AGBL4: variants seen among roughly 807,000 people sequenced by gnomAD.
The protein encoded by AGBL4 is cytosolic carboxypeptidase 6.
In AGBL4, 58 loss-of-function variants were observed where a neutral mutation model predicts 66.4. That is an observed-to-expected ratio of 0.87 (90% CI 0.71 to 1.09). The LOEUF (loss-of-function observed/expected upper bound fraction) is 1.09. Ranked by LOEUF, AGBL4 falls within the 50% of genes least tolerant of loss-of-function variation. The pLI, the probability that AGBL4 is intolerant of heterozygous loss-of-function variation, is 0.00. For missense variants in AGBL4, 579 were observed against 631.0 expected (o/e 0.92, Z 0.88); for synonymous variants, 234 against 222.9 (o/e 1.05, Z -0.44).
At chr1:48,657,099 C>A (rs1445271908) in intron 7 of AGBL4, among the ~76,000 whole-genome samples, 3 of 152,144 alleles carry the variant, frequency 2.0e-5, no homozygotes, top group African/African-American at 4.8e-5. Flanking sequence ...AAAGCGCAGA[C>A]CCTGAAACTG....
At chr1:49,890,414 C>T (rs1373354493) in intron 1 of AGBL4, among the ~76,000 whole-genome samples, 1 of 152,064 alleles carries the variant, frequency 6.6e-6, no homozygotes, top group Non-Finnish European at 1.5e-5. Context: ...TTACTGTGTG[C>T]CACTTATTTG....
intron 2 of AGBL4, among the ~76,000 whole-genome samples, chr1:49,808,516 T>C (rs1249055503): frequency 5.9e-5 from 9 of 152,156 alleles, no homozygotes; most frequent in Non-Finnish European, 1.3e-4. Context: ...CCCTCAAGTT[T>C]TTCTCAATTA....
chr1:49,136,065 T>C (rs1006310726), intron 4 of AGBL4, among the ~76,000 whole-genome samples: 4 of 152,134 alleles, frequency 2.6e-5, no homozygotes, highest in Non-Finnish European at 4.4e-5. Context: ...GTGAAAAATA[T>C]GGCATCCAAA....
chr1:49,514,470 T>C (rs1001425126), intron 3 of AGBL4, among the ~76,000 whole-genome samples: 17 of 151,902 alleles, frequency 1.1e-4, no homozygotes, highest in Non-Finnish European at 2.2e-4. Flanking sequence ...CCCAAGGTAA[T>C]TTATAGATTC....
intron 1 of AGBL4, among the ~76,000 whole-genome samples, chr1:49,912,656 T>C (rs1650973186): frequency 1.3e-5 from 2 of 152,162 alleles, no homozygotes; most frequent in Admixed American, 1.3e-4. Flanking sequence ...TCCTAGACCA[T>C]TATGCTACCC....
At chr1:48,941,838 G>T (rs1340594511) in intron 5 of AGBL4, among the ~76,000 whole-genome samples, 1 of 152,130 alleles carries the variant, frequency 6.6e-6, no homozygotes, top group Non-Finnish European at 1.5e-5. Context: ...TGTAAGAGTT[G>T]GGATTTGAAG....
chr1:49,214,260 G>A (rs182340209), intron 4 of AGBL4, among the ~76,000 whole-genome samples: 44 of 152,230 alleles, frequency 2.9e-4, no homozygotes, highest in Admixed American at 2.0e-3. Context: ...GAAGAAAAAG[G>A]TTGGGAAATA....
chr1:49,305,727 G>C (rs1192215204), intron 3 of AGBL4, among the ~76,000 whole-genome samples: 1 of 144,614 alleles, frequency 6.9e-6, no homozygotes, highest in Admixed American at 7.0e-5. Flanking sequence ...TTTTGCTCTT[G>C]TTGCCCAGGC....
At chr1:49,331,744 C>A (rs1439724872) in intron 3 of AGBL4, among the ~76,000 whole-genome samples, 1 of 151,926 alleles carries the variant, frequency 6.6e-6, no homozygotes, top group Non-Finnish European at 1.5e-5. Flanking sequence ...CTTCAGAGAG[C>A]CTAAATGGTC....
chr1:49,877,864 A>C (rs568316220), intron 1 of AGBL4, among the ~76,000 whole-genome samples: 8 of 152,092 alleles, frequency 5.3e-5, no homozygotes, highest in Admixed American at 4.6e-4. Context: ...TCAGAGATTC[A>C]ACTTCTTCCT....
Position 49,722,050 on chromosome 1 carries a change from G to A in AGBL4, c.158-24613C>T, listed in dbSNP as rs575442381. Among the ~76,000 whole-genome samples, 7 of 152,202 alleles carry A rather than the reference G, an allele frequency of 4.6e-5. No individual in the cohort carries two copies. In the South Asian group the frequency reaches 1.5e-3, roughly 32 times the overall value. On this transcript the variant is annotated intron_variant, in intron 2 of 13. Transcript: ENST00000371839. ...GGTGAATTTATTAAAAGAAGCAAAT[G>A]AAATTTAAGCTTTAAGGTTCCTCAG... is the stretch of plus-strand genomic sequence containing the variant.
chr1:48,949,959 T>C (rs986106391), intron 5 of AGBL4, among the ~76,000 whole-genome samples: 4 of 152,172 alleles, frequency 2.6e-5, no homozygotes, highest in African/African-American at 9.7e-5. Context: ...TCTGAACCTA[T>C]AGGCAGAAGA....
At chr1:48,646,552 T>TGC (rs1645839501) in intron 8 of AGBL4, among the ~76,000 whole-genome samples, 1 of 151,190 alleles carries the variant, frequency 6.6e-6, no homozygotes, top group African/African-American at 2.5e-5. Context: ...TGTGTGTGTG[T>TGC]GTGCTGGTGC....
chr1:49,321,167 C>G (rs1348642266), intron 3 of AGBL4, among the ~76,000 whole-genome samples: 2 of 152,196 alleles, frequency 1.3e-5, no homozygotes, highest in Non-Finnish European at 2.9e-5. Flanking sequence ...TTAGGACCTA[C>G]AGAACCTACT....
chr1:49,039,832 T>A (rs1011680646), intron 5 of AGBL4, among the ~76,000 whole-genome samples: 32 of 152,054 alleles, frequency 2.1e-4, no homozygotes, highest in African/African-American at 7.5e-4. Context: ...CTTCTGGAAA[T>A]TAAAACTGAA....
chr1:48,895,516 C>A (rs925203246), intron 5 of AGBL4, among the ~76,000 whole-genome samples: 23 of 152,210 alleles, frequency 1.5e-4, no homozygotes, highest in African/African-American at 5.5e-4. Flanking sequence ...GAAATCTTTC[C>A]CTAATGAGCG....
Position 49,416,864 on chromosome 1 carries a change from G to A in AGBL4, c.283-171000C>T, listed in dbSNP as rs368953705. Among the ~76,000 whole-genome samples the A allele has an allele frequency of 1.4e-3, 209 of 152,014 alleles. 1 individual carries two copies. The highest frequency in any genetic ancestry group is 4.7e-3 in the African/African-American group (196 of 41,500). The stretch of plus-strand genomic sequence containing the variant: ...TAAGGCAGCTGACTCACACCTACAT[G>A]CAACAATGGCAAAAAATAAATACAA... On this transcript the variant is annotated intron_variant, in intron 3 of 13. Transcript: ENST00000371839.
chr1:49,993,718 T>G (rs1448591805), intron 1 of AGBL4, among the ~76,000 whole-genome samples: 1 of 152,292 alleles, frequency 6.6e-6, no homozygotes, highest in Middle Eastern at 3.4e-3. Context: ...GTCCCTTTTC[T>G]TCTTACATGA....
chr1:49,203,781 G>A (rs1189884836), intron 4 of AGBL4, among the ~76,000 whole-genome samples: 7 of 152,132 alleles, frequency 4.6e-5, no homozygotes, highest in Non-Finnish European at 8.8e-5. Context: ...TCCAGCCTGG[G>A]CAACAAGAGC....
Sources: allele counts gnomAD v4.1 joint callset (sites outside exome capture counted in the v4.1 genomes callset), GRCh38; gene constraint gnomAD v4.1.1; transcripts MANE v1.5; gene names NCBI Gene and HGNC (gene_info 2026-07-23, HGNC 2026-07-21).